TBCD: variants seen among roughly 807,000 people sequenced by gnomAD.
TBCD encodes the protein tubulin-specific chaperone D.
TBCD carries 105 observed loss-of-function variants against 169.3 expected under a neutral mutation model. That is an observed-to-expected ratio of 0.62 (90% confidence interval 0.53 to 0.73). The LOEUF (loss-of-function observed/expected upper bound fraction) is 0.73, where lower values mean the gene tolerates loss of function less well. TBCD is among the 30% of genes least tolerant of loss of function. TBCD has a pLI of 0.00. For synonymous variants in TBCD, 700 were observed against 643.9 expected, an observed-to-expected ratio of 1.09 and a Z score of -1.32; for missense variants, 1,444 against 1,600.1, an observed-to-expected ratio of 0.90 and a Z score of 1.66.
chr17:82,793,867 C>T (rs1021734623), intron 7 of TBCD, among the ~76,000 whole-genome samples: 1 of 152,128 alleles, frequency 6.6e-6, no homozygotes, highest in African/African-American at 2.4e-5. Context: ...TGGTTGCTTC[C>T]CAAGATACCA....
At chr17:82,881,386 G>C (rs2058342560) in intron 14 of TBCD, among the ~76,000 whole-genome samples, 2 of 152,256 alleles carry the variant, frequency 1.3e-5, no homozygotes, top group African/African-American at 4.8e-5. Context: ...CCGATGAGGG[G>C]TGCAGAGCTT....
At chr17:82,912,337 A>G (rs999642808) in intron 23 of TBCD, among the ~76,000 whole-genome samples, 1 of 152,198 alleles carries the variant, frequency 6.6e-6, no homozygotes, top group African/African-American at 2.4e-5. Flanking sequence ...GGGGGTTAGG[A>G]CAGTCGGGCA....
chr17:82,859,890 G>C, intron 13 of TBCD: 1 of 985,422 alleles, frequency 1.0e-6, no homozygotes, highest in Non-Finnish European at 1.2e-6. Flanking sequence ...GAGACAGGGA[G>C]CAGGCTTGTC....
chr17:82,838,997 A>T, intron 13 of TBCD: 1 of 984,092 alleles, frequency 1.0e-6, no homozygotes. Flanking sequence ...GTTTATGAGA[A>T]ATTTCATATA....
At chr17:82,838,917 C>T (rs2054218121) in intron 13 of TBCD, 5 of 985,372 alleles carry the variant, frequency 5.1e-6, no homozygotes, top group Non-Finnish European at 4.8e-6. Flanking sequence ...TTTGCTAATG[C>T]GCAGTGAAAA....
At chr17:82,828,657 T>G (rs2053173263) in intron 13 of TBCD, among the ~76,000 whole-genome samples, 1 of 149,650 alleles carries the variant, frequency 6.7e-6, no homozygotes, top group African/African-American at 2.5e-5. Flanking sequence ...CACCTGCAGA[T>G]ATGTACACAT....
At chr17:82,902,573 G>C (rs1039462210) in intron 18 of TBCD, among the ~76,000 whole-genome samples, 1 of 152,238 alleles carries the variant, frequency 6.6e-6, no homozygotes, top group Non-Finnish European at 1.5e-5. Context: ...GTTAGAAGTG[G>C]ACCCTGAGCA....
chr17:82,779,793 C>T (rs2048827202), intron 6 of TBCD, among the ~76,000 whole-genome samples: 2 of 151,956 alleles, frequency 1.3e-5, no homozygotes, highest in Admixed American at 1.3e-4. Flanking sequence ...GGAGGTTGGG[C>T]GTCATAGCCT....
intron 20 of TBCD, among the ~76,000 whole-genome samples, chr17:82,907,344 G>A (rs936754528): frequency 6.6e-6 from 1 of 152,144 alleles, no homozygotes; most frequent in Non-Finnish European, 1.5e-5. Flanking sequence ...GCTTTAAGGG[G>A]ATGCCCTAAC....
At chr17:82,780,747 C>T (rs549663067) in intron 6 of TBCD, among the ~76,000 whole-genome samples, 49 of 148,706 alleles carry the variant, frequency 3.3e-4, no homozygotes, top group African/African-American at 1.0e-3. Context: ...CGGGTTCACG[C>T]GATTCTCTGG....
At chr17:82,822,490 C>G (rs1308910622) in intron 13 of TBCD, among the ~76,000 whole-genome samples, 4 of 152,118 alleles carry the variant, frequency 2.6e-5, no homozygotes, top group African/African-American at 9.7e-5. Context: ...AACGAAGGCT[C>G]GCACGAGCTG....
At chr17:82,937,593 G>T (rs1050745946) in intron 35 of TBCD, 5 of 604,776 alleles carry the variant, frequency 8.3e-6, no homozygotes, top group Admixed American at 5.9e-5. Flanking sequence ...TGCTGCCCTC[G>T]CGCTCTGCCC....
At position 82,929,201 on chromosome 17, in the gene TBCD, C is replaced by T; in HGVS notation, c.2782C>T (p.Leu928Phe). 1.2e-6 allele frequency: 2 copies of T among 1,613,956 alleles called. No individual in the cohort carries two copies. Among genetic ancestry groups the T allele is most frequent in the Non-Finnish European group, 1.7e-6 (2 of 1,179,888 alleles). ...RAHAASVFLT[L>F]LHFDSPPIPH... Reference sequence around the variant, plus strand: ...TCACGCCGCCAGCGTGTTCCTGACGCTCCTGCACTTTGACAGCCCTCCCAT... The same window carrying T: ...TCACGCCGCCAGCGTGTTCCTGACGTTCCTGCACTTTGACAGCCCTCCCAT... Residue 928 changes from leucine to phenylalanine, a missense_variant, in exon 31 of 39, where the codon CTC becomes TTC. Physicochemically the swap from Leu to Phe is conservative, Grantham distance 22. Coordinates refer to ENST00000355528, the MANE Select transcript of TBCD (RefSeq NM_005993.5).
Position 82,905,023 on chromosome 17 carries a change from T to C in TBCD, c.1805-913T>C, listed in dbSNP as rs568029087. ...AAACCATCGCAAGCCTGGCAGCACT[T>C]GGGGAGGCTTAGGCTCGGGGAGCTT... is the stretch of plus-strand genomic sequence containing the variant. On this transcript the variant is annotated intron_variant, in intron 19 of 38. Transcript: ENST00000355528. Among the ~76,000 whole-genome samples the C allele has an allele frequency of 3.3e-5, 5 of 152,312 alleles. No homozygotes were observed. In the East Asian group the frequency reaches 9.6e-4, roughly 29 times the overall value.
rs915227810 is a variant in TBCD, at chr17:82,774,115, G to A, written c.638+1608G>A. Among the ~76,000 whole-genome samples the A allele has an allele frequency of 2.6e-5, 4 of 151,608 alleles. No individual in the cohort carries two copies. The South Asian group carries it at 8.3e-4, about 32-fold the overall frequency. On this transcript the variant is annotated intron_variant, in intron 6 of 38. Transcript: ENST00000355528. Reference sequence around the variant, plus strand: ...TTCTCAGAGAGGGGGATTTGGCAGGGTCATAGGACAATAGTGGAGGGAAGG... The same window carrying A: ...TTCTCAGAGAGGGGGATTTGGCAGGATCATAGGACAATAGTGGAGGGAAGG...
intron 27 of TBCD, 79 bp from the exon 28 acceptor site, chr17:82,926,320 CG>C: frequency 7.3e-7 from 1 of 1,376,430 alleles, no homozygotes; most frequent in Non-Finnish European, 1.0e-6. Flanking sequence ...TCTGTGGCTC[CG>C]GGCCAACATT....
At chr17:82,845,425 T>C (rs1418336929) in intron 13 of TBCD, among the ~76,000 whole-genome samples, 2 of 128,908 alleles carry the variant, frequency 1.6e-5, no homozygotes, top group African/African-American at 6.1e-5. Flanking sequence ...CCTCTCCATC[T>C]TGTCCGGCCC....
At chr17:82,790,945 C>T (rs1363379933) in intron 7 of TBCD, among the ~76,000 whole-genome samples, 1 of 152,114 alleles carries the variant, frequency 6.6e-6, no homozygotes, top group Admixed American at 6.5e-5. Context: ...CCTGCAAAGC[C>T]ACTGCTCTTT....
intron 9 of TBCD, among the ~76,000 whole-genome samples, chr17:82,805,369 A>G (rs1404715921): frequency 2.0e-5 from 3 of 152,152 alleles, no homozygotes; most frequent in Non-Finnish European, 4.4e-5. Flanking sequence ...CAGGTTCCCC[A>G]TGTGGGTGTG....
Sources: allele counts gnomAD v4.1 joint callset (sites outside exome capture counted in the v4.1 genomes callset), GRCh38; gene constraint gnomAD v4.1.1; transcripts MANE v1.5; gene names NCBI Gene and HGNC (gene_info 2026-07-23, HGNC 2026-07-21).